PDE4D: variants seen among roughly 807,000 people sequenced by gnomAD.
PDE4D encodes the protein phosphodiesterase 4D, also known as 3',5'-cyclic-AMP phosphodiesterase 4D.
In PDE4D, 24 loss-of-function variants were observed where a neutral mutation model predicts 87.4. That is an observed-to-expected ratio of 0.27 (90% CI 0.20 to 0.39). The LOEUF is 0.39. PDE4D is among the 10% of genes least tolerant of loss of function. PDE4D has a pLI of 1.00. For missense variants in PDE4D, 714 were observed against 1,041.0 expected, an observed-to-expected ratio of 0.69 and a Z score of 4.32; for synonymous variants, 384 against 383.2, an observed-to-expected ratio of 1.00 and a Z score of -0.02.
chr5:60,039,660 T>C (rs1768239755), intron 2 of PDE4D, among the ~76,000 whole-genome samples: 2 of 152,082 alleles, frequency 1.3e-5, no homozygotes, highest in African/African-American at 2.4e-5. Context: ...CCCAACTACA[T>C]CTGTGGCTTT....
chr5:59,691,640 A>G lies in PDE4D; in HGVS notation c.455+201528T>C, dbSNP rs527979657. On this transcript the variant is annotated intron_variant, in intron 1 of 14. Transcript: ENST00000340635. ...ATGTAAATGACAAGTTAACGGGTGC[A>G]GCACACCAACATGGCACATGTATAC... Among the ~76,000 whole-genome samples the G allele has an allele frequency of 3.3e-5, 5 of 152,088 alleles. No homozygotes were observed. In the East Asian group the frequency reaches 9.7e-4, roughly 29 times the overall value.
chr5:59,711,120 A>G (rs1445762868), intron 1 of PDE4D, among the ~76,000 whole-genome samples: 3 of 152,194 alleles, frequency 2.0e-5, no homozygotes, highest in Non-Finnish European at 2.9e-5. Flanking sequence ...TTACCTCTGC[A>G]GTAAGTATGG....
chr5:59,200,297 AT>A (rs1746853958), intron 2 of PDE4D, among the ~76,000 whole-genome samples: 1 of 107,260 alleles, frequency 9.3e-6, no homozygotes, highest in African/African-American at 5.3e-5. Flanking sequence ...ATACATACAT[AT>A]GTGTATGTAC....
At chr5:59,618,844 G>A (rs1830013238) in intron 1 of PDE4D, among the ~76,000 whole-genome samples, 2 of 152,040 alleles carry the variant, frequency 1.3e-5, no homozygotes, top group Admixed American at 1.3e-4. Context: ...CCCTTATAAG[G>A]GCAAGTTCAG....
intron 1 of PDE4D, among the ~76,000 whole-genome samples, chr5:59,803,246 A>G (rs1317995266): frequency 1.3e-5 from 2 of 151,422 alleles, no homozygotes; most frequent in African/African-American, 4.9e-5. Flanking sequence ...GACGGTACAT[A>G]ATTGGATCCC....
intron 1 of PDE4D, among the ~76,000 whole-genome samples, chr5:59,400,398 C>T (rs1000255612): frequency 1.5e-4 from 22 of 145,224 alleles, no homozygotes; most frequent in South Asian, 6.9e-4. Flanking sequence ...GAATACTATG[C>T]GGCCATAAAA....
chr5:60,068,438 T>TTA (rs1263720917), intron 2 of PDE4D, among the ~76,000 whole-genome samples: 1 of 151,896 alleles, frequency 6.6e-6, no homozygotes, highest in East Asian at 1.9e-4. Flanking sequence ...ATTTATTTAT[T>TTA]TTTCTCTCTC....
intron 1 of PDE4D, among the ~76,000 whole-genome samples, chr5:59,499,748 C>G (rs1807933228): frequency 6.6e-6 from 1 of 151,858 alleles, no homozygotes; most frequent in Non-Finnish European, 1.5e-5. Flanking sequence ...CTGAACAGAC[C>G]AATAACAAGT....
At chr5:59,719,726 T>C (rs1755554603) in intron 1 of PDE4D, among the ~76,000 whole-genome samples, 1 of 152,240 alleles carries the variant, frequency 6.6e-6, no homozygotes, top group Admixed American at 6.5e-5. Flanking sequence ...GCTTTATTAA[T>C]ACAACTCAAT....
intron 6 of PDE4D, among the ~76,000 whole-genome samples, chr5:59,023,480 A>C (rs2153378348): frequency 6.6e-6 from 1 of 152,060 alleles, no homozygotes; most frequent in South Asian, 2.1e-4. Flanking sequence ...AAAAAAAAAA[A>C]AAAAGTTAAA....
At chr5:60,514,190 A>G (rs2150258680) in intron 1 of PDE4D, among the ~76,000 whole-genome samples, 1 of 152,154 alleles carries the variant, frequency 6.6e-6, no homozygotes, top group South Asian at 2.1e-4. Context: ...ATATATTAAA[A>G]TTATATTCTG....
chr5:59,088,880 C>G (rs943853597), intron 5 of PDE4D, among the ~76,000 whole-genome samples: 1 of 152,134 alleles, frequency 6.6e-6, no homozygotes, highest in Admixed American at 6.6e-5. Flanking sequence ...GTACTACAAA[C>G]CCCATGACAC....
chr5:59,785,904 C>T (rs1224569006), intron 1 of PDE4D, among the ~76,000 whole-genome samples: 1 of 151,224 alleles, frequency 6.6e-6, no homozygotes, highest in African/African-American at 2.4e-5. Flanking sequence ...CATTAGGTTT[C>T]ATATGGTTGG....
At chr5:59,554,569 A>G (rs1188329855) in intron 1 of PDE4D, among the ~76,000 whole-genome samples, 1 of 152,218 alleles carries the variant, frequency 6.6e-6, no homozygotes, top group Non-Finnish European at 1.5e-5. Flanking sequence ...AAGGAATATG[A>G]ATAAAAGCAT....
chr5:60,417,129 A>T (rs1485070205), intron 1 of PDE4D, among the ~76,000 whole-genome samples: 1 of 152,222 alleles, frequency 6.6e-6, no homozygotes, highest in Non-Finnish European at 1.5e-5. Context: ...CCAGATTTTA[A>T]AAACTGATTG....
At chr5:59,503,930 T>C (rs1407667938) in intron 1 of PDE4D, among the ~76,000 whole-genome samples, 1 of 152,220 alleles carries the variant, frequency 6.6e-6, no homozygotes, top group Non-Finnish European at 1.5e-5. Context: ...TTATTCTGTA[T>C]TCCCATGTTT....
intron 2 of PDE4D, among the ~76,000 whole-genome samples, chr5:60,046,093 G>A (rs1255958266): frequency 6.6e-6 from 1 of 152,152 alleles, no homozygotes; most frequent in Non-Finnish European, 1.5e-5. Context: ...CCCTTGTTAA[G>A]TTGGATTCCT....
intron 1 of PDE4D, among the ~76,000 whole-genome samples, chr5:59,461,112 C>T (rs770479813): frequency 2.6e-5 from 4 of 151,974 alleles, no homozygotes; most frequent in Admixed American, 6.6e-5. Flanking sequence ...TTGGGGAGCA[C>T]GCTGCTTTGT....
chr5:60,338,115 G>A (rs1757978275), intron 1 of PDE4D, among the ~76,000 whole-genome samples: 1 of 152,092 alleles, frequency 6.6e-6, no homozygotes, highest in Admixed American at 6.6e-5. Context: ...GGAGAAAAAA[G>A]GCAGACGATC....
Sources: allele counts gnomAD v4.1 joint callset (sites outside exome capture counted in the v4.1 genomes callset), GRCh38; gene constraint gnomAD v4.1.1; transcripts MANE v1.5; gene names NCBI Gene and HGNC (gene_info 2026-07-23, HGNC 2026-07-21).